ASPRV1: variants seen among roughly 807,000 people sequenced by gnomAD.
ASPRV1 encodes aspartic peptidase retroviral like 1.
Under a neutral mutation model 11.0 loss-of-function variants are expected in ASPRV1, and 7 were observed. That is an observed-to-expected ratio of 0.64 (90% CI 0.36 to 1.20). The LOEUF is 1.20. Among genes scored for constraint, ASPRV1 ranks in the 50% most tolerant of loss-of-function variants. ASPRV1 has a pLI of 0.02. For synonymous variants in ASPRV1, 136 were observed against 138.4 expected (o/e 0.98, Z 0.12); for missense variants, 299 against 320.0 (o/e 0.93, Z 0.50).
the ASPRV1 span, among the ~76,000 whole-genome samples, chr2:70,061,957 C>G: frequency 6.8e-6 from 1 of 146,084 alleles, no homozygotes. Context: ...GAGCAAAACT[C>G]TGTCTCAAAA....
At chr2:69,937,371 C>T in the ASPRV1 span, 13 of 1,610,860 alleles carry the variant, frequency 8.1e-6, no homozygotes, top group East Asian at 4.5e-5. Context: ...ACCGTCTCCT[C>T]GGAGCGCTCC....
At chr2:70,058,831 G>A in the ASPRV1 span, among the ~76,000 whole-genome samples, 1 of 150,816 alleles carries the variant, frequency 6.6e-6, no homozygotes, top group South Asian at 2.1e-4. Context: ...GGGATTACTG[G>A]CAGAAATTAC....
At chr2:70,020,294 T>C in the ASPRV1 span, among the ~76,000 whole-genome samples, 1 of 152,194 alleles carries the variant, frequency 6.6e-6, no homozygotes, top group Non-Finnish European at 1.5e-5. Flanking sequence ...TATTCACTCA[T>C]GTTTGTTGCG....
chr2:70,076,933 G>A, the ASPRV1 span, among the ~76,000 whole-genome samples: 1 of 152,118 alleles, frequency 6.6e-6, no homozygotes, highest in Non-Finnish European at 1.5e-5. Flanking sequence ...TTGCATCATC[G>A]TAAAGTTGAA....
the ASPRV1 span, among the ~76,000 whole-genome samples, chr2:70,012,439 C>T: frequency 6.6e-6 from 1 of 152,182 alleles, no homozygotes; most frequent in African/African-American, 2.4e-5. Context: ...CAGGCGTGAG[C>T]CACCGCGCCC....
the ASPRV1 span, chr2:70,086,561 A>G: frequency 6.6e-6 from 1 of 152,196 alleles, no homozygotes; most frequent in Non-Finnish European, 1.5e-5. Context: ...TGGGCCCGAA[A>G]AGCAGCCGCG....
the ASPRV1 span, among the ~76,000 whole-genome samples, chr2:70,006,237 C>T: frequency 6.6e-6 from 1 of 152,126 alleles, no homozygotes; most frequent in Non-Finnish European, 1.5e-5. Context: ...ACCACTGATA[C>T]AGTCCTATAA....
At chr2:69,997,150 C>T in the ASPRV1 span, among the ~76,000 whole-genome samples, 1 of 149,518 alleles carries the variant, frequency 6.7e-6, no homozygotes, top group African/African-American at 2.5e-5. Context: ...CGCACCACTG[C>T]ACTCTAGCCT....
chr2:70,036,501 T>A, the ASPRV1 span, among the ~76,000 whole-genome samples: 1 of 152,114 alleles, frequency 6.6e-6, no homozygotes, highest in Non-Finnish European at 1.5e-5. Flanking sequence ...GATTTGACAG[T>A]CTCTCAGGCA....
the ASPRV1 span, among the ~76,000 whole-genome samples, chr2:69,969,288 C>A: frequency 6.6e-6 from 1 of 152,202 alleles, no homozygotes; most frequent in Non-Finnish European, 1.5e-5. Context: ...TTACACTCTG[C>A]CTCATGGTGT....
At chr2:69,953,224 G>A in the ASPRV1 span, among the ~76,000 whole-genome samples, 1 of 152,220 alleles carries the variant, frequency 6.6e-6, no homozygotes, top group African/African-American at 2.4e-5. Flanking sequence ...CCAGTGCTCT[G>A]GACAGGGAGT....
the ASPRV1 span, among the ~76,000 whole-genome samples, chr2:69,946,683 T>G: frequency 6.6e-6 from 1 of 151,834 alleles, no homozygotes; most frequent in South Asian, 2.1e-4. Flanking sequence ...CATTAGAGGG[T>G]GGGGAAGTGT....
the ASPRV1 span, among the ~76,000 whole-genome samples, chr2:69,933,301 A>G: frequency 2.6e-5 from 4 of 151,880 alleles, no homozygotes; most frequent in African/African-American, 9.7e-5. Flanking sequence ...ATACTTTCTC[A>G]TAGTGTTTCT....
the ASPRV1 span, among the ~76,000 whole-genome samples, chr2:70,025,787 C>T: frequency 5.3e-5 from 8 of 152,200 alleles, no homozygotes; most frequent in African/African-American, 1.9e-4. Flanking sequence ...TACACAGATA[C>T]TGATGCTGCA....
At chr2:70,011,584 T>G in the ASPRV1 span, 1 of 152,364 alleles carries the variant, frequency 6.6e-6, no homozygotes, top group Non-Finnish European at 1.5e-5. Flanking sequence ...CAAGACTGTC[T>G]ATTCTGGAAG....
At chr2:69,948,399 G>A in the ASPRV1 span, among the ~76,000 whole-genome samples, 10 of 152,222 alleles carry the variant, frequency 6.6e-5, no homozygotes, top group Admixed American at 5.9e-4. Flanking sequence ...TCCACTCAAC[G>A]TCAATACATC....
the ASPRV1 span, among the ~76,000 whole-genome samples, chr2:69,934,829 C>A: frequency 6.6e-6 from 1 of 152,154 alleles, no homozygotes; most frequent in African/African-American, 2.4e-5. Context: ...ATTTATTTAA[C>A]CAGTTCCCTC....
the ASPRV1 span, chr2:69,968,384 GATGGTGGC>G: frequency 2.0e-5 from 3 of 151,938 alleles, no homozygotes; most frequent in African/African-American, 7.3e-5. Context: ...ATTAGCAGAG[GATGGTGGC>G]ACATGCCTGT....
the ASPRV1 span, among the ~76,000 whole-genome samples, chr2:69,971,678 C>A: frequency 2.0e-5 from 3 of 152,146 alleles, no homozygotes; most frequent in African/African-American, 7.2e-5. Context: ...TTGGGGAGGC[C>A]GGAGATGTGA....
Sources: allele counts gnomAD v4.1 joint callset (sites outside exome capture counted in the v4.1 genomes callset), GRCh38; gene constraint gnomAD v4.1.1; transcripts MANE v1.5; gene names NCBI Gene and HGNC (gene_info 2026-07-23, HGNC 2026-07-21).